ZNF385D: variants seen among roughly 807,000 people sequenced by gnomAD.
The protein encoded by ZNF385D is zinc finger protein 659.
ZNF385D carries 15 observed loss-of-function variants against 35.8 expected under a neutral mutation model. The ratio of observed to expected loss-of-function variants is 0.42; its 90% CI spans 0.28 to 0.64. The LOEUF (loss-of-function observed/expected upper bound fraction) is 0.64, where lower values mean the gene tolerates loss of function less well. Ranked by LOEUF, ZNF385D falls within the 30% of genes least tolerant of loss-of-function variation. The pLI is 0.23. For missense variants in ZNF385D, 474 were observed against 494.6 expected, an observed-to-expected ratio of 0.96 and a Z score of 0.39; for synonymous variants, 212 against 186.8, an observed-to-expected ratio of 1.13 and a Z score of -1.10.
intron 3 of ZNF385D, among the ~76,000 whole-genome samples, chr3:21,914,550 T>C (rs746628529): frequency 2.0e-5 from 3 of 152,072 alleles, no homozygotes; most frequent in Admixed American, 1.3e-4. Context: ...GCAAATTTAA[T>C]TGGCATGAAG....
At chr3:21,823,138 T>C (rs1193255266) in intron 3 of ZNF385D, among the ~76,000 whole-genome samples, 1 of 152,192 alleles carries the variant, frequency 6.6e-6, no homozygotes, top group Non-Finnish European at 1.5e-5. Flanking sequence ...ACAATATGTG[T>C]ACATATATGT....
At chr3:21,527,772 T>G (rs1197745327) in intron 3 of ZNF385D, among the ~76,000 whole-genome samples, 2 of 147,074 alleles carry the variant, frequency 1.4e-5, no homozygotes, top group South Asian at 4.4e-4. Context: ...AAAAAAAAAC[T>G]ATTTCTTCTA....
chr3:22,009,245 G>C (rs1192962907), intron 3 of ZNF385D, among the ~76,000 whole-genome samples: 1 of 151,842 alleles, frequency 6.6e-6, no homozygotes, highest in East Asian at 1.9e-4. Context: ...GAGAAAAATT[G>C]TAATGAATAT....
intron 3 of ZNF385D, among the ~76,000 whole-genome samples, chr3:22,151,757 T>A (rs1056364394): frequency 6.6e-6 from 1 of 152,134 alleles, no homozygotes; most frequent in African/African-American, 2.4e-5. Flanking sequence ...AGAATAATAT[T>A]TGACCAAATA....
chr3:21,725,594 A>G (rs1159371006), intron 1 of ZNF385D, among the ~76,000 whole-genome samples: 1 of 152,218 alleles, frequency 6.6e-6, no homozygotes, highest in Admixed American at 6.5e-5. Flanking sequence ...ATAAATGGAT[A>G]AATTCCTGGG....
intron 2 of ZNF385D, among the ~76,000 whole-genome samples, chr3:22,202,953 G>A (rs1162084468): frequency 6.6e-6 from 1 of 152,068 alleles, no homozygotes; most frequent in Admixed American, 6.6e-5. Flanking sequence ...ATCTTGAAAT[G>A]CAATCTAAGC....
intron 3 of ZNF385D, among the ~76,000 whole-genome samples, chr3:21,927,546 A>C (rs889802730): frequency 2.0e-5 from 3 of 152,162 alleles, no homozygotes; most frequent in Non-Finnish European, 4.4e-5. Context: ...ACAAAAAGAG[A>C]TTGCTGGGCT....
At chr3:21,943,450 T>G (rs1036862715) in intron 3 of ZNF385D, among the ~76,000 whole-genome samples, 1 of 151,866 alleles carries the variant, frequency 6.6e-6, no homozygotes. Context: ...ACTTCTGCAG[T>G]GACAACATCA....
chr3:22,128,857 G>A (rs1332970146), intron 3 of ZNF385D, among the ~76,000 whole-genome samples: 1 of 152,110 alleles, frequency 6.6e-6, no homozygotes, highest in Non-Finnish European at 1.5e-5. Flanking sequence ...AATGCTGAAA[G>A]GTCACATTTC....
chr3:21,847,618 G>GAGA (rs569676521), intron 3 of ZNF385D, among the ~76,000 whole-genome samples: 10 of 151,810 alleles, frequency 6.6e-5, no homozygotes, highest in Admixed American at 1.3e-4. Flanking sequence ...CTCTCCTTTG[G>GAGA]GTGTGTCTGT....
chr3:21,739,807 T>G (rs563945281), intron 1 of ZNF385D, among the ~76,000 whole-genome samples: 1 of 152,336 alleles, frequency 6.6e-6, no homozygotes, highest in South Asian at 2.1e-4. Context: ...GAGTCAGGTC[T>G]ATAAGCAGCA....
At chr3:22,023,085 G>T (rs977303918) in intron 3 of ZNF385D, among the ~76,000 whole-genome samples, 1 of 152,160 alleles carries the variant, frequency 6.6e-6, no homozygotes, top group Non-Finnish European at 1.5e-5. Flanking sequence ...CCTCCCTGAG[G>T]TCTTTTCTTA....
intron 3 of ZNF385D, among the ~76,000 whole-genome samples, chr3:21,875,684 C>T (rs530482771): frequency 2.6e-5 from 4 of 152,192 alleles, no homozygotes; most frequent in African/African-American, 7.2e-5. Flanking sequence ...TCTCCCTCAA[C>T]CAGCTCAAAC....
chr3:21,723,824 G>C (rs1217885921), intron 1 of ZNF385D, among the ~76,000 whole-genome samples: 1 of 152,076 alleles, frequency 6.6e-6, no homozygotes, highest in South Asian at 2.1e-4. Context: ...TCCTTGAGAA[G>C]AGCAACCCCA....
chr3:22,114,447 T>C (rs1330965015), intron 3 of ZNF385D, among the ~76,000 whole-genome samples: 1 of 152,110 alleles, frequency 6.6e-6, no homozygotes, highest in African/African-American at 2.4e-5. Context: ...TACATTGTGT[T>C]TTCCCAGAAA....
At chr3:21,521,882 T>C (rs922753134) in intron 3 of ZNF385D, among the ~76,000 whole-genome samples, 33 of 152,014 alleles carry the variant, frequency 2.2e-4, no homozygotes, top group African/African-American at 7.7e-4. Context: ...AAAGAATACA[T>C]AGAAAATTAG....
At chr3:21,765,744 C>A (rs59995345) in intron 3 of ZNF385D, among the ~76,000 whole-genome samples, 3 of 151,196 alleles carry the variant, frequency 2.0e-5, no homozygotes, top group Non-Finnish European at 4.4e-5. Context: ...GAGAGAGAGA[C>A]AGAGAGAGAG....
intron 2 of ZNF385D, among the ~76,000 whole-genome samples, chr3:22,200,055 TAA>T (rs1696677812): frequency 6.6e-6 from 1 of 152,030 alleles, no homozygotes; most frequent in Admixed American, 6.6e-5. Context: ...ACAGAAAGGT[TAA>T]GATCATACAA....
chr3:21,825,412 A>G (rs1449302617), intron 3 of ZNF385D, among the ~76,000 whole-genome samples: 1 of 152,164 alleles, frequency 6.6e-6, no homozygotes, highest in Non-Finnish European at 1.5e-5. Context: ...CATCAGTCAA[A>G]TTGCTTTTAG....
Sources: gnomAD v4.1 joint callset for allele counts (sites outside exome capture counted in the v4.1 genomes callset) on GRCh38, gnomAD v4.1.1 for gene constraint, MANE v1.5 for transcripts, NCBI Gene and HGNC (gene_info 2026-07-23, HGNC 2026-07-21) for gene names.